Variants in CREB5 observed in about 807,000 individuals in gnomAD.
CREB5 encodes cAMP responsive element binding protein 5, also known as cyclic AMP-responsive element-binding protein 5.
A neutral mutation model predicts 57.1 loss-of-function variants in CREB5; 19 were observed. The ratio of observed to expected loss-of-function variants is 0.33; its 90% CI spans 0.23 to 0.49. The LOEUF (loss-of-function observed/expected upper bound fraction) is 0.49, where lower values mean the gene tolerates loss of function less well. Ranked by LOEUF, CREB5 falls within the 20% of genes least tolerant of loss-of-function variation. CREB5 has a pLI of 0.99. For synonymous variants in CREB5, 238 were observed against 238.3 expected (o/e 1.00, Z 0.01); for missense variants, 579 against 671.6 (o/e 0.86, Z 1.52).
intron 1 of CREB5, among the ~76,000 whole-genome samples, chr7:28,421,846 A>T (rs1410916547): frequency 7.5e-5 from 3 of 39,902 alleles, no homozygotes; most frequent in African/African-American, 1.1e-4. Flanking sequence ...ACACACACAC[A>T]CTCTCTCTCT....
intron 1 of CREB5, among the ~76,000 whole-genome samples, chr7:28,357,900 G>A (rs147734186): frequency 6.6e-6 from 1 of 152,112 alleles, no homozygotes; most frequent in Admixed American, 6.5e-5. Flanking sequence ...GGGTATTTTG[G>A]GGTGTTATGG....
intron 1 of CREB5, among the ~76,000 whole-genome samples, chr7:28,484,365 G>A (rs762275359): frequency 1.3e-4 from 20 of 152,108 alleles, no homozygotes; most frequent in African/African-American, 1.9e-4. Flanking sequence ...GATCATACTC[G>A]TTGATAAAAG....
At chr7:28,803,025 TAAGAG>T (rs1174222762) in intron 7 of CREB5, among the ~76,000 whole-genome samples, 1 of 152,230 alleles carries the variant, frequency 6.6e-6, no homozygotes. Context: ...ACACAGAAGA[TAAGAG>T]AAGAAAATAC....
rs190717376 is a variant in CREB5 at position 28,658,459 on chromosome 7, A to G, written c.465-60294A>G. On this transcript the variant is annotated intron_variant, in intron 5 of 10. Transcript: ENST00000357727. ...TTCACGCAGGCTGGAGATGCTTAAC[A>G]GTGGTGAAGGAGGCAAGAGTTTCTG... 3.9e-3 allele frequency among the ~76,000 whole-genome samples: 599 copies of G among 152,320 alleles called. 3 individuals are homozygous for G. The highest frequency in any genetic ancestry group is 0.014 in the African/African-American group (571 of 41,572).
intron 5 of CREB5, among the ~76,000 whole-genome samples, chr7:28,595,615 T>G (rs1796666629): frequency 6.6e-6 from 1 of 152,182 alleles, no homozygotes. Context: ...ACTTTTAATT[T>G]TAGCCAAAGT....
At chr7:28,377,836 G>A (rs969595393) in intron 1 of CREB5, among the ~76,000 whole-genome samples, 1 of 148,438 alleles carries the variant, frequency 6.7e-6, no homozygotes, top group Non-Finnish European at 1.5e-5. Flanking sequence ...GGAGGCTGAG[G>A]CAGGAGAAAG....
chr7:28,402,308 T>C (rs1401584896), intron 1 of CREB5, among the ~76,000 whole-genome samples: 3 of 152,190 alleles, frequency 2.0e-5, no homozygotes, highest in Non-Finnish European at 2.9e-5. Context: ...AGATTCTGGA[T>C]ATTAACCCTC....
intron 5 of CREB5, among the ~76,000 whole-genome samples, chr7:28,616,040 C>T (rs1311673478): frequency 4.6e-5 from 7 of 152,172 alleles, no homozygotes; most frequent in African/African-American, 1.4e-4. Flanking sequence ...TGTGCAACAG[C>T]CTGTAGAGTT....
At chr7:28,603,220 C>T (rs1796989595) in intron 5 of CREB5, among the ~76,000 whole-genome samples, 1 of 152,178 alleles carries the variant, frequency 6.6e-6, no homozygotes, top group African/African-American at 2.4e-5. Flanking sequence ...TCAGCAACTG[C>T]ATCCTATCCC....
At chr7:28,593,204 C>T (rs767407492) in intron 5 of CREB5, among the ~76,000 whole-genome samples, 7 of 150,888 alleles carry the variant, frequency 4.6e-5, no homozygotes, top group African/African-American at 1.4e-4. Flanking sequence ...CAATTTGTGT[C>T]GGTTGAATCA....
chr7:28,436,736 A>G (rs1036810065), intron 1 of CREB5, among the ~76,000 whole-genome samples: 4 of 152,108 alleles, frequency 2.6e-5, no homozygotes, highest in African/African-American at 7.2e-5. Context: ...AATGAGAGTA[A>G]AGACTGAGAT....
At chr7:28,418,380 A>G (rs1258289738) in intron 1 of CREB5, among the ~76,000 whole-genome samples, 1 of 152,194 alleles carries the variant, frequency 6.6e-6, no homozygotes, top group African/African-American at 2.4e-5. Flanking sequence ...ATAATTTCCA[A>G]ACTCCTCACG....
intron 1 of CREB5, among the ~76,000 whole-genome samples, chr7:28,351,719 A>G (rs1362769502): frequency 6.6e-6 from 1 of 152,190 alleles, no homozygotes; most frequent in Non-Finnish European, 1.5e-5. Flanking sequence ...TTCAAGCATT[A>G]CATTGAAAAT....
chr7:28,436,492 T>C (rs1242678023), intron 1 of CREB5, among the ~76,000 whole-genome samples: 1 of 152,136 alleles, frequency 6.6e-6, no homozygotes, highest in African/African-American at 2.4e-5. Flanking sequence ...GGCAAGAAGA[T>C]CTGAAGAGGA....
chr7:28,590,101 A>G (rs1796444637), intron 5 of CREB5, among the ~76,000 whole-genome samples: 1 of 152,162 alleles, frequency 6.6e-6, no homozygotes, highest in African/African-American at 2.4e-5. Context: ...TAGTTCAACC[A>G]TTGTGGAAGA....
intron 5 of CREB5, among the ~76,000 whole-genome samples, chr7:28,581,178 A>G (rs1453196817): frequency 1.3e-5 from 2 of 152,228 alleles, no homozygotes; most frequent in African/African-American, 4.8e-5. Flanking sequence ...AACAGTGACA[A>G]CTTGAACTTT....
At chr7:28,642,969 C>CACATACACACACACACATACACACAT (rs1798723444) in intron 5 of CREB5, among the ~76,000 whole-genome samples, 1 of 112,068 alleles carries the variant, frequency 8.9e-6, no homozygotes, top group African/African-American at 3.3e-5. Flanking sequence ...CACACACACA[C>CACATACACACACACACATACACACAT]ACACACACAC....
intron 7 of CREB5, among the ~76,000 whole-genome samples, chr7:28,731,282 G>A (rs751315827): frequency 4.6e-5 from 7 of 152,140 alleles, no homozygotes; most frequent in Non-Finnish European, 8.8e-5. Context: ...AAATGTAAAT[G>A]ATTAGATTAT....
chr7:28,641,660 A>G (rs1798664799), intron 5 of CREB5, among the ~76,000 whole-genome samples: 1 of 152,190 alleles, frequency 6.6e-6, no homozygotes, highest in African/African-American at 2.4e-5. Context: ...TTCTAGCTAC[A>G]TCATTTTCTC....
Sources: allele counts gnomAD v4.1 joint callset (sites outside exome capture counted in the v4.1 genomes callset), GRCh38; gene constraint gnomAD v4.1.1; transcripts MANE v1.5; gene names NCBI Gene and HGNC (gene_info 2026-07-23, HGNC 2026-07-21).